EVI5: variants seen among roughly 807,000 people sequenced by gnomAD.
EVI5 encodes ecotropic viral integration site 5 protein homolog.
In EVI5, 73 loss-of-function variants were observed where a neutral mutation model predicts 112.0. The observed-to-expected ratio is 0.65, with a 90% confidence interval of 0.54 to 0.79. EVI5 has a LOEUF of 0.79. Ranked by LOEUF, EVI5 falls within the 30% of genes least tolerant of loss-of-function variation. The pLI is 0.00. For missense variants in EVI5, 900 were observed against 968.8 expected (o/e 0.93, Z 0.94); for synonymous variants, 305 against 319.9 (o/e 0.95, Z 0.50).
chr1:92,629,455 T>C (rs1417852521), intron 14 of EVI5, among the ~76,000 whole-genome samples: 2 of 152,214 alleles, frequency 1.3e-5, no homozygotes, highest in African/African-American at 2.4e-5. Context: ...GTTTGTAATC[T>C]AGAACTTTTA....
intron 1 of EVI5, among the ~76,000 whole-genome samples, chr1:92,769,151 T>C (rs2103031017): frequency 6.6e-6 from 1 of 152,328 alleles, no homozygotes; most frequent in Admixed American, 6.5e-5. Context: ...CTGCAACATA[T>C]GCCCCAGTAC....
intron 2 of EVI5, among the ~76,000 whole-genome samples, chr1:92,705,333 A>T (rs962354620): frequency 1.3e-5 from 2 of 152,234 alleles, no homozygotes; most frequent in African/African-American, 4.8e-5. Context: ...GCTTATATGC[A>T]TTTATACTTT....
chr1:92,651,145 C>T (rs1310250332), intron 13 of EVI5, among the ~76,000 whole-genome samples: 1 of 152,192 alleles, frequency 6.6e-6, no homozygotes, highest in Non-Finnish European at 1.5e-5. Flanking sequence ...TTACTATTAT[C>T]GTACCCTCTG....
rs982077697 is a variant in EVI5, at chr1:92,605,422, C to T, written c.1975-20G>A. 20 of 1,521,330 alleles carry T rather than the reference C, an allele frequency of 1.3e-5. No individual in the cohort carries two copies. The highest frequency in any genetic ancestry group is 1.2e-4 in the African/African-American group (9 of 72,944). 94.2% of individuals were successfully genotyped at this position (1,521,330 alleles called of 1,614,324 possible). ...CTTATTCTAGTGTGGTAAACCAAAC[C>T]GAAACAAAATAAACCAGGTGTGTTT... On this transcript the variant is annotated intron_variant, in intron 17 of 19. Coordinates refer to ENST00000684568, the MANE Select transcript of EVI5 (RefSeq NM_001350197.2).
chr1:92,552,051 G>C (rs577859441), intron 19 of EVI5, among the ~76,000 whole-genome samples: 7 of 144,670 alleles, frequency 4.8e-5, no homozygotes, highest in African/African-American at 1.5e-4. Context: ...GTGATGTAAA[G>C]TACTATTAAA....
At chr1:92,589,865 C>T (rs1673493163) in intron 18 of EVI5, among the ~76,000 whole-genome samples, 1 of 151,956 alleles carries the variant, frequency 6.6e-6, no homozygotes, top group Non-Finnish European at 1.5e-5. Context: ...AGGCACCCCC[C>T]CGTATGGGCA....
At chr1:92,721,528 G>C (rs1478699178) in intron 2 of EVI5, among the ~76,000 whole-genome samples, 2 of 152,150 alleles carry the variant, frequency 1.3e-5, no homozygotes, top group Admixed American at 1.3e-4. Flanking sequence ...TGCCTGTCAA[G>C]GGGTGGAGGG....
intron 1 of EVI5, among the ~76,000 whole-genome samples, chr1:92,781,324 T>C (rs1407139445): frequency 6.6e-6 from 1 of 151,900 alleles, no homozygotes; most frequent in African/African-American, 2.4e-5. Context: ...CTGGGTAATA[T>C]GTTGAAACCC....
intron 14 of EVI5, among the ~76,000 whole-genome samples, chr1:92,627,936 C>T (rs1041017264): frequency 6.6e-6 from 1 of 151,910 alleles, no homozygotes; most frequent in Non-Finnish European, 1.5e-5. Context: ...TTACAGGCGC[C>T]GGCCACCATG....
At chr1:92,636,681 T>C (rs1249344484) in intron 13 of EVI5, among the ~76,000 whole-genome samples, 1 of 152,188 alleles carries the variant, frequency 6.6e-6, no homozygotes, top group Non-Finnish European at 1.5e-5. Flanking sequence ...GCACAATAAA[T>C]AGGATAGCAA....
intron 10 of EVI5, among the ~76,000 whole-genome samples, chr1:92,668,878 C>A (rs1410681431): frequency 1.3e-5 from 2 of 152,006 alleles, no homozygotes; most frequent in African/African-American, 4.8e-5. Flanking sequence ...AGCTAATATC[C>A]CCTGTTCTTA....
chr1:92,762,394 A>G (rs1335141423), intron 1 of EVI5, among the ~76,000 whole-genome samples: 1 of 152,212 alleles, frequency 6.6e-6, no homozygotes, highest in East Asian at 1.9e-4. Flanking sequence ...AATCTTCACC[A>G]TAACCCTGAG....
intron 16 of EVI5, among the ~76,000 whole-genome samples, chr1:92,610,036 C>G (rs924802131): frequency 6.6e-6 from 1 of 152,142 alleles, no homozygotes. Flanking sequence ...CAGGCATGTG[C>G]CACTACGCCC....
chr1:92,728,807 T>C (rs1035026886), intron 2 of EVI5, among the ~76,000 whole-genome samples: 1 of 152,196 alleles, frequency 6.6e-6, no homozygotes, highest in Admixed American at 6.5e-5. Flanking sequence ...CGATGAAATC[T>C]CATGCCATGC....
rs140980820 is a variant in EVI5 at position 92,785,102 on chromosome 1, A to C, written c.-348T>G. ...CGGGGTCCGGCCCGGCCGCGTCAGGAGAGCCCAAGGCGCAGGCGCGGGAGG... is the reference window on the plus strand; with the variant it reads ...CGGGGTCCGGCCCGGCCGCGTCAGGCGAGCCCAAGGCGCAGGCGCGGGAGG... On this transcript the variant is annotated 5_prime_UTR_variant, in exon 1 of 20. Coordinates refer to ENST00000684568, the MANE Select transcript of EVI5 (RefSeq NM_001350197.2). 4.2e-3 allele frequency: 4,124 copies of C among 985,396 alleles called. 130 individuals are homozygous for C. The African/African-American group carries it at 0.065, about 16-fold the overall frequency. 61.0% of individuals were successfully genotyped at this position (985,396 alleles called of 1,614,324 possible).
intron 9 of EVI5, among the ~76,000 whole-genome samples, chr1:92,689,889 G>T (rs1669205011): frequency 6.6e-6 from 1 of 151,920 alleles, no homozygotes; most frequent in African/African-American, 2.4e-5. Flanking sequence ...GAATAATAAA[G>T]TTGTTTTGTT....
At position 92,513,941 on chromosome 1, in the gene EVI5, G is replaced by A. The variant is rs1557689488; in HGVS notation, c.2196C>T (p.Phe732=). ...ELRCLKGQRG[F]SGQPPFDGIH... ...TTCCATCAAAAGGAGGTTGGCCTGA[G>A]AAGCCCCTCTGGCCTTTTAGGCACC... The change falls in exon 20 of 20, where the codon TTC becomes TTT. Residue 732 remains phenylalanine, a synonymous_variant. Coordinates refer to ENST00000684568, the MANE Select transcript of EVI5 (RefSeq NM_001350197.2). 1 of 1,584,230 alleles carries A rather than the reference G, an allele frequency of 6.3e-7. No individual in the cohort carries two copies. Among genetic ancestry groups the A allele is most frequent in the Non-Finnish European group, 8.6e-7 (1 of 1,161,284 alleles).
At chr1:92,643,854 A>G (rs1021876669) in intron 13 of EVI5, among the ~76,000 whole-genome samples, 11 of 152,238 alleles carry the variant, frequency 7.2e-5, no homozygotes, top group African/African-American at 2.7e-4. Context: ...ACAAAAGTCA[A>G]TAAATCTGGA....
chr1:92,550,815 A>ATATATAT (rs1557766729), intron 19 of EVI5, among the ~76,000 whole-genome samples: 6 of 90,256 alleles, frequency 6.6e-5, no homozygotes, highest in African/African-American at 2.7e-4. Flanking sequence ...TATATATATA[A>ATATATAT]CAAAAAAAAC....
Sources: gnomAD v4.1 joint callset for allele counts (sites outside exome capture counted in the v4.1 genomes callset) on GRCh38, gnomAD v4.1.1 for gene constraint, MANE v1.5 for transcripts, NCBI Gene and HGNC (gene_info 2026-07-23, HGNC 2026-07-21) for gene names.